Variants in ABCB1 observed in about 807,000 individuals in gnomAD.
The protein encoded by ABCB1 is ATP binding cassette subfamily B member 1, also known as ATP-dependent translocase ABCB1.
Under a neutral mutation model 142.0 loss-of-function variants are expected in ABCB1, and 69 were observed. The ratio of observed to expected loss-of-function variants is 0.49; its 90% CI spans 0.40 to 0.59. The LOEUF (loss-of-function observed/expected upper bound fraction) is 0.59. Ranked by LOEUF, ABCB1 falls within the 20% of genes least tolerant of loss-of-function variation. The pLI, the probability that ABCB1 is intolerant of heterozygous loss-of-function variation, is 0.00. For synonymous variants in ABCB1, 532 were observed against 539.2 expected, an observed-to-expected ratio of 0.99 and a Z score of 0.18; for missense variants, 1,326 against 1,554.7, an observed-to-expected ratio of 0.85 and a Z score of 2.47.
intron 1 of ABCB1, among the ~76,000 whole-genome samples, chr7:87,618,803 A>G (rs1820119354): frequency 6.6e-6 from 1 of 152,190 alleles, no homozygotes; most frequent in African/African-American, 2.4e-5. Flanking sequence ...TTAGGGGTAG[A>G]AGAAGTCAGA....
intron 3 of ABCB1, among the ~76,000 whole-genome samples, chr7:87,591,904 C>A (rs765549631): frequency 1.7e-4 from 26 of 152,020 alleles, no homozygotes; most frequent in Admixed American, 3.3e-4. Flanking sequence ...CAGGCGAGGG[C>A]AGCACAAGAA....
chr7:87,522,176 G>A, intron 21 of ABCB1: 1 of 1,448,378 alleles, frequency 6.9e-7, no homozygotes. Flanking sequence ...GGATATAGTG[G>A]CAGTGGGGAT....
intron 1 of ABCB1, among the ~76,000 whole-genome samples, chr7:87,625,390 G>T (rs1290401347): frequency 6.6e-6 from 1 of 152,146 alleles, no homozygotes; most frequent in Admixed American, 6.5e-5. Flanking sequence ...CAATTTTGAG[G>T]ATATTAACAT....
intron 22 of ABCB1, 113 bp from the exon 23 acceptor site, chr7:87,519,579 C>T (rs752612287): frequency 3.4e-5 from 44 of 1,285,644 alleles, no homozygotes; most frequent in African/African-American, 8.8e-5. Context: ...AAATGGGTTT[C>T]GTTTCCAAAG....
chr7:87,626,778 G>T (rs1820680809), intron 1 of ABCB1, among the ~76,000 whole-genome samples: 5 of 139,288 alleles, frequency 3.6e-5, no homozygotes, highest in South Asian at 4.3e-4. Flanking sequence ...ATATGTCAGA[G>T]AGAGAGAGAG....
At chr7:87,599,249 T>C (rs193290067) in intron 2 of ABCB1, among the ~76,000 whole-genome samples, 10 of 152,280 alleles carry the variant, frequency 6.6e-5, no homozygotes, top group African/African-American at 2.4e-4. Context: ...TTTAGTGAAG[T>C]TTTAAATATT....
At position 87,699,185 on chromosome 7, in the gene ABCB1, CT is replaced by C. The variant is rs566870191; in HGVS notation, c.-331+13975del. 3.0e-3 allele frequency among the ~76,000 whole-genome samples: 454 copies of C among 152,110 alleles called. 2 individuals carry two copies. Among genetic ancestry groups the C allele is most frequent in the African/African-American group, 0.011 (438 of 41,500 alleles). ...TGATGTTGCTGTAGAGAAGTAATTACTGAGGAAGGGAGGATTTAAAGTAAAT... is the reference window on the plus strand; with the variant it reads ...TGATGTTGCTGTAGAGAAGTAATTACGAGGAAGGGAGGATTTAAAGTAAAT... On this transcript the variant is annotated intron_variant, in intron 1 of 28. Coordinates refer to the ABCB1 transcript ENST00000265724.
At chr7:87,683,509 A>ATT (rs1827141394) in intron 1 of ABCB1, among the ~76,000 whole-genome samples, 1 of 152,148 alleles carries the variant, frequency 6.6e-6, no homozygotes, top group African/African-American at 2.4e-5. Flanking sequence ...GCCTAATTTC[A>ATT]GTATTGTTGT....
intron 24 of ABCB1, among the ~76,000 whole-genome samples, chr7:87,516,303 G>A (rs1221468631): frequency 3.3e-5 from 5 of 152,160 alleles, no homozygotes; most frequent in African/African-American, 1.2e-4. Context: ...AAAGTGAGCA[G>A]TATTCCTATT....
chr7:87,648,420 C>G lies in ABCB1; in HGVS notation c.-330-47342G>C, dbSNP rs780748614. Among the ~76,000 whole-genome samples the G allele has an allele frequency of 5.9e-5, 9 of 151,918 alleles. No individual in the cohort carries two copies. The East Asian group carries it at 1.7e-3, about 29-fold the overall frequency. On this transcript the variant is annotated intron_variant, in intron 1 of 28. Transcript: ENST00000265724. ...TGAAAATGTCCCAGAGGAAGTGACA[C>G]TGACAGAACACTTCACATTAAAGGG...
At chr7:87,607,655 G>T (rs779475667) in intron 1 of ABCB1, among the ~76,000 whole-genome samples, 8 of 152,162 alleles carry the variant, frequency 5.3e-5, no homozygotes, top group Admixed American at 1.3e-4. Context: ...GCATTCAAAG[G>T]ATCTCCCCAC....
chr7:87,702,411 T>C (rs1385641476), intron 1 of ABCB1, among the ~76,000 whole-genome samples: 2 of 151,974 alleles, frequency 1.3e-5, no homozygotes, highest in Admixed American at 1.3e-4. Flanking sequence ...CCTGAGTAGC[T>C]GGGACTACAG....
At chr7:87,682,818 C>T (rs1044065092) in intron 1 of ABCB1, among the ~76,000 whole-genome samples, 17 of 152,298 alleles carry the variant, frequency 1.1e-4, no homozygotes, top group African/African-American at 1.7e-4. Context: ...CCACCAGCTG[C>T]GTTAGCCCCT....
rs200030622 is a variant in ABCB1, at chr7:87,504,492, T to C, written c.3637-43A>G. 7 of 1,609,246 alleles carry C rather than the reference T, an allele frequency of 4.3e-6. No homozygotes were observed. In the African/African-American group the frequency reaches 8.0e-5, roughly 18 times the overall value. ...AGATTAATTCTCATAATAGTTCTTT[T>C]CCCTAATTCCTCTTCCATAAAAAGC... On this transcript the variant is annotated intron_variant, in intron 27 of 27. Coordinates refer to ENST00000622132, the MANE Select transcript of ABCB1 (RefSeq NM_001348946.2).
At chr7:87,591,902 G>C (rs562938136) in intron 3 of ABCB1, among the ~76,000 whole-genome samples, 1 of 152,080 alleles carries the variant, frequency 6.6e-6, no homozygotes, top group South Asian at 2.1e-4. Context: ...TACAGGCGAG[G>C]GCAGCACAAG....
chr7:87,575,376 G>T (rs2129866881), intron 4 of ABCB1, among the ~76,000 whole-genome samples: 1 of 152,172 alleles, frequency 6.6e-6, no homozygotes, highest in Middle Eastern at 3.4e-3. Flanking sequence ...CATCATTCCA[G>T]ACACTGAAGA....
chr7:87,626,349 A>ATGTGTCG (rs1820532328), intron 1 of ABCB1, among the ~76,000 whole-genome samples: 1 of 31,064 alleles, frequency 3.2e-5, no homozygotes. Flanking sequence ...TATGTGTCAT[A>ATGTGTCG]TATATGTGTC....
intron 1 of ABCB1, among the ~76,000 whole-genome samples, chr7:87,679,676 C>G (rs1363753906): frequency 2.7e-5 from 4 of 150,372 alleles, no homozygotes; most frequent in Non-Finnish European, 5.9e-5. Context: ...AAGTGTGAAC[C>G]ACTGTGCCTG....
intron 20 of ABCB1, among the ~76,000 whole-genome samples, chr7:87,536,146 T>C (rs929001410): frequency 2.6e-5 from 4 of 152,188 alleles, no homozygotes; most frequent in Non-Finnish European, 2.9e-5. Context: ...CTTTCTTCAG[T>C]AGCAATTACT....
Sources: gnomAD v4.1 joint callset for allele counts (sites outside exome capture counted in the v4.1 genomes callset) on GRCh38, gnomAD v4.1.1 for gene constraint, MANE v1.5 for transcripts, NCBI Gene and HGNC (gene_info 2026-07-23, HGNC 2026-07-21) for gene names.